The following RGS20 variants were observed in gnomAD, a reference collection of about 807,000 sequenced individuals.
RGS20 encodes regulator of G protein signaling 20, also known as gz-selective GTPase-activating protein.
In RGS20, 30 loss-of-function variants were observed where a neutral mutation model predicts 33.6. The ratio of observed to expected loss-of-function variants is 0.89; its 90% CI spans 0.67 to 1.21. The LOEUF is 1.21. Ranked by LOEUF, RGS20 falls within the 50% of genes most tolerant of loss-of-function variation. The pLI is 0.00. For missense variants in RGS20, 472 were observed against 502.4 expected (o/e 0.94, Z 0.58); for synonymous variants, 208 against 197.9 (o/e 1.05, Z -0.43).
At chr8:53,907,672 T>TA (rs1813221629) in intron 2 of RGS20, among the ~76,000 whole-genome samples, 1 of 150,024 alleles carries the variant, frequency 6.7e-6, no homozygotes, top group South Asian at 2.1e-4. Flanking sequence ...GCGGGGCAGG[T>TA]AATGATTCTC....
intron 2 of RGS20, chr8:53,880,942 G>C (rs773827533): frequency 6.4e-7 from 1 of 1,561,044 alleles, no homozygotes; most frequent in Non-Finnish European, 8.6e-7. Context: ...AAGGCGAAAG[G>C]CGCGGTGAGC....
At chr8:53,927,010 A>G (rs908276604) in intron 2 of RGS20, among the ~76,000 whole-genome samples, 1 of 152,166 alleles carries the variant, frequency 6.6e-6, no homozygotes, top group Non-Finnish European at 1.5e-5. Context: ...ATACTAAAAG[A>G]TTGTGATCAA....
intron 2 of RGS20, among the ~76,000 whole-genome samples, chr8:53,907,830 A>G (rs573630147): frequency 6.6e-6 from 1 of 152,256 alleles, no homozygotes; most frequent in Non-Finnish European, 1.5e-5. Context: ...ATTAAGTTTA[A>G]AGGTCATTAC....
chr8:53,892,736 C>T (rs1313540546), intron 2 of RGS20, among the ~76,000 whole-genome samples: 1 of 152,116 alleles, frequency 6.6e-6, no homozygotes, highest in African/African-American at 2.4e-5. Flanking sequence ...TGCCAATATT[C>T]TCCTAATATT....
intron 2 of RGS20, among the ~76,000 whole-genome samples, chr8:53,923,681 C>G (rs1367893176): frequency 6.6e-6 from 1 of 152,108 alleles, no homozygotes; most frequent in Non-Finnish European, 1.5e-5. Context: ...GAGAGAGGGT[C>G]TACGTCCCTC....
chr8:53,951,965 C>T (rs1426861090), intron 4 of RGS20, among the ~76,000 whole-genome samples: 1 of 150,812 alleles, frequency 6.6e-6, no homozygotes, highest in African/African-American at 2.4e-5. Context: ...TGCAGTGAGC[C>T]GAGATCGCGC....
At position 53,877,516 on chromosome 8, in the gene RGS20, G is replaced by T. The variant is rs543494106; in HGVS notation, c.166-1742G>T. ...GAGCGAGACGAACGCTCAGCAGCTC[G>T]TTCCCTGGGCGCCAAGACCGATTTC... On this transcript the variant is annotated intron_variant, in intron 1 of 5. Transcript: ENST00000297313. This position sits in a 1 kb window ranked among gnomAD's most constrained non-coding sequence, Gnocchi z 5.7. Among the ~76,000 whole-genome samples the T allele has an allele frequency of 2.6e-5, 4 of 152,346 alleles. No individual in the cohort carries two copies. In the South Asian group the frequency reaches 8.3e-4, roughly 32 times the overall value.
chr8:53,947,980 ATAG>A (rs1453955674), intron 4 of RGS20, among the ~76,000 whole-genome samples: 1 of 136,448 alleles, frequency 7.3e-6, no homozygotes, highest in Non-Finnish European at 1.5e-5. Context: ...TATATATAAG[ATAG>A]TATATATATT....
intron 2 of RGS20, among the ~76,000 whole-genome samples, chr8:53,909,649 T>C (rs747646405): frequency 6.6e-6 from 1 of 152,192 alleles, no homozygotes; most frequent in Non-Finnish European, 1.5e-5. Flanking sequence ...TATATTAATG[T>C]TCCTATGGCA....
chr8:53,946,774 CACTAA>C, intron 4 of RGS20, 26 bp downstream of exon 3: 1 of 1,575,364 alleles, frequency 6.3e-7, no homozygotes, highest in Non-Finnish European at 8.7e-7. Flanking sequence ...TTTTTTACCT[CACTAA>C]ACTAACAGAA....
chr8:53,893,328 A>G (rs904820709), intron 2 of RGS20, among the ~76,000 whole-genome samples: 2 of 152,090 alleles, frequency 1.3e-5, no homozygotes, highest in African/African-American at 4.8e-5. Context: ...AAAAAAAAAT[A>G]CTATATTAAT....
Position 53,877,401 on chromosome 8 carries a change from A to C in RGS20, c.166-1857A>C, listed in dbSNP as rs573214680. The stretch of plus-strand genomic sequence containing the variant: ...TCCCCCGCAGGTGCCGCCCAGGACT[A>C]GCTGCCCGGCGGAGGCCGAGCACGC... On this transcript the variant is annotated intron_variant, in intron 1 of 5. Coordinates refer to ENST00000297313, the MANE Select transcript of RGS20 (RefSeq NM_170587.4). The surrounding 1 kb of genome is among the most constrained non-coding windows in gnomAD (Gnocchi z 5.7). Among the ~76,000 whole-genome samples the C allele has an allele frequency of 4.9e-4, 75 of 152,238 alleles. 1 individual carries two copies. The highest frequency in any genetic ancestry group is 1.8e-3 in the African/African-American group (73 of 41,564).
intron 2 of RGS20, among the ~76,000 whole-genome samples, chr8:53,890,700 CACCATTATA>C (rs1298773680): frequency 6.6e-6 from 1 of 152,114 alleles, no homozygotes; most frequent in African/African-American, 2.4e-5. Flanking sequence ...AGTACATTGG[CACCATTATA>C]ACCTAGAATT....
chr8:53,866,100 G>A (rs755708219), intron 1 of RGS20, among the ~76,000 whole-genome samples: 20 of 152,168 alleles, frequency 1.3e-4, no homozygotes, highest in African/African-American at 1.9e-4. Flanking sequence ...TGCCCTGGGA[G>A]AGAAGAAGAG....
At position 53,954,220 on chromosome 8, in the gene RGS20, G is replaced by C; in HGVS notation, c.888G>C (p.Glu296Asp). The stretch of plus-strand genomic sequence containing the variant: ...ATATGCTCTTCTGGATGGCCTGTGA[G>C]GAACTGAAAAAGGAAGCTAATAAAA... Residue 296 changes from glutamate to aspartate, a missense_variant, in exon 5 of 6, where the codon GAG becomes GAC. Coordinates refer to ENST00000297313, the MANE Select transcript of RGS20 (RefSeq NM_170587.4). The C allele has an allele frequency of 6.2e-7, 1 of 1,613,880 alleles. No homozygotes were observed. Among genetic ancestry groups the C allele is most frequent in the South Asian group, 1.1e-5 (1 of 91,076 alleles).
chr8:53,954,722 C>CT (rs2129294454), intron 5 of RGS20, among the ~76,000 whole-genome samples: 1 of 144,904 alleles, frequency 6.9e-6, no homozygotes, highest in African/African-American at 2.5e-5. Context: ...GAGTCTCACT[C>CT]TGTCGCCCAG....
In RGS20 at chr8:53,942,470, C is replaced by CA. The variant is rs981214512; in HGVS notation, c.659+2756dup. ...TGAGACTCTGTCTGAAAAACAAAAACAAAAAAAAAAGAAAAGAAAAACCTA... is the reference window on the plus strand; with the variant it reads ...TGAGACTCTGTCTGAAAAACAAAAACAAAAAAAAAAAGAAAAGAAAAACCTA... On this transcript the variant is annotated intron_variant, in intron 3 of 5. Coordinates refer to ENST00000297313, the MANE Select transcript of RGS20 (RefSeq NM_170587.4). 1.0e-3 allele frequency among the ~76,000 whole-genome samples: 140 copies of CA among 139,316 alleles called. 1 individual carries two copies. The highest frequency in any genetic ancestry group is 8.2e-3 in the South Asian group (35 of 4,288). The allele number at this position is 139,316 out of a possible 152,430, so 91.4% of individuals were successfully genotyped here.
At chr8:53,950,334 G>A (rs1309646381) in intron 4 of RGS20, among the ~76,000 whole-genome samples, 2 of 152,130 alleles carry the variant, frequency 1.3e-5, no homozygotes, top group Non-Finnish European at 2.9e-5. Context: ...TTGAAATACA[G>A]TTTGAGTTTC....
chr8:53,940,603 C>T (rs961121265), intron 3 of RGS20, among the ~76,000 whole-genome samples: 9 of 152,112 alleles, frequency 5.9e-5, no homozygotes, highest in African/African-American at 1.4e-4. Flanking sequence ...ATGAAATGCC[C>T]GGGGAAGTTT....
Sources: allele counts gnomAD v4.1 joint callset (sites outside exome capture counted in the v4.1 genomes callset), GRCh38; gene constraint gnomAD v4.1.1; non-coding constraint Gnocchi (gnomAD v3.1); transcripts MANE v1.5; gene names NCBI Gene and HGNC (gene_info 2026-07-23, HGNC 2026-07-21).